Variants in FRK observed in about 807,000 individuals in gnomAD.
The protein encoded by FRK is fyn related Src family tyrosine kinase.
FRK carries 51 observed loss-of-function variants against 56.4 expected under a neutral mutation model. That is an observed-to-expected ratio of 0.90 (90% CI 0.72 to 1.14). The LOEUF (loss-of-function observed/expected upper bound fraction) is 1.14. Among genes scored for constraint, FRK ranks in the 50% most tolerant of loss-of-function variants. The probability of loss-of-function intolerance (pLI) is 0.00; values close to 1 mark genes in which losing one functional copy is unlikely to be tolerated. For missense variants in FRK, 570 were observed against 601.4 expected, an observed-to-expected ratio of 0.95 and a Z score of 0.55; for synonymous variants, 245 against 217.9, an observed-to-expected ratio of 1.12 and a Z score of -1.10.
At chr6:116,071,333 T>C in the FRK span, among the ~76,000 whole-genome samples, 2 of 152,180 alleles carry the variant, frequency 1.3e-5, no homozygotes, top group East Asian at 1.9e-4. Context: ...TGGTTGACTG[T>C]ACACATTTTC....
At chr6:115,987,580 TA>T (rs1409231745) in intron 2 of FRK, among the ~76,000 whole-genome samples, 1 of 152,114 alleles carries the variant, frequency 6.6e-6, no homozygotes, top group Non-Finnish European at 1.5e-5. Flanking sequence ...GCTTATCTTA[TA>T]AAAACCAGAG....
the FRK span, among the ~76,000 whole-genome samples, chr6:116,090,051 A>T: frequency 3.3e-5 from 5 of 152,224 alleles, no homozygotes; most frequent in African/African-American, 7.2e-5. Context: ...ATTTTTTAGC[A>T]TTAAGAAGTT....
chr6:115,967,530 T>G, intron 4 of FRK, 21 bp downstream of exon 4: 4 of 1,610,376 alleles, frequency 2.5e-6, no homozygotes, highest in Non-Finnish European at 3.4e-6. Context: ...ATATGCCATT[T>G]AACCTTTATT....
chr6:115,959,941 T>C (rs989283093), intron 4 of FRK, among the ~76,000 whole-genome samples: 15 of 151,914 alleles, frequency 9.9e-5, no homozygotes, highest in African/African-American at 3.6e-4. Context: ...CATAACTTTT[T>C]TCATGATGTC....
intron 1 of FRK, among the ~76,000 whole-genome samples, chr6:116,043,261 C>G (rs1408059242): frequency 6.6e-6 from 1 of 152,196 alleles, no homozygotes; most frequent in African/African-American, 2.4e-5. Context: ...ACACAACTCT[C>G]CACCCTGAAT....
chr6:116,068,479 T>C, the FRK span, among the ~76,000 whole-genome samples: 1 of 152,222 alleles, frequency 6.6e-6, no homozygotes, highest in African/African-American at 2.4e-5. Flanking sequence ...CTTCGGAACT[T>C]AGAAGACATC....
the FRK span, among the ~76,000 whole-genome samples, chr6:116,080,748 A>G: frequency 6.6e-6 from 1 of 151,638 alleles, no homozygotes; most frequent in African/African-American, 2.4e-5. Flanking sequence ...TTCTAAGCAT[A>G]TAGCATATGC....
chr6:116,025,994 T>G (rs920350798), intron 1 of FRK, among the ~76,000 whole-genome samples: 2 of 152,140 alleles, frequency 1.3e-5, no homozygotes, highest in Admixed American at 6.6e-5. Flanking sequence ...ACAGGGTTAT[T>G]GCAAAGAGTA....
At chr6:115,947,566 C>A (rs1772518433) in intron 5 of FRK, among the ~76,000 whole-genome samples, 1 of 152,084 alleles carries the variant, frequency 6.6e-6, no homozygotes, top group Non-Finnish European at 1.5e-5. Context: ...AAGCCTGGCT[C>A]TTAAAATCTC....
intron 6 of FRK, 139 bp downstream of exon 6, chr6:115,944,105 C>T: frequency 1.6e-6 from 1 of 610,494 alleles, no homozygotes; most frequent in East Asian, 3.0e-5. Flanking sequence ...GTTTGTAAGG[C>T]TTTGGACTAC....
intron 1 of FRK, among the ~76,000 whole-genome samples, chr6:116,054,498 CT>C (rs899569099): frequency 8.2e-4 from 113 of 137,200 alleles, no homozygotes; most frequent in Middle Eastern, 3.8e-3. Context: ...GTATATTATA[CT>C]ATTATAATAT....
chr6:115,994,626 A>G (rs1424532445), intron 2 of FRK, among the ~76,000 whole-genome samples: 1 of 152,080 alleles, frequency 6.6e-6, no homozygotes, highest in African/African-American at 2.4e-5. Flanking sequence ...ATGACCTGCA[A>G]TTGCAATTGT....
At chr6:116,084,218 A>T in the FRK span, among the ~76,000 whole-genome samples, 1 of 152,228 alleles carries the variant, frequency 6.6e-6, no homozygotes, top group Non-Finnish European at 1.5e-5. Context: ...GACAATAAAA[A>T]GAGTCAAACT....
chr6:115,990,361 T>G (rs1774550631), intron 2 of FRK, among the ~76,000 whole-genome samples: 1 of 151,940 alleles, frequency 6.6e-6, no homozygotes, highest in Non-Finnish European at 1.5e-5. Flanking sequence ...TAGGTCAATG[T>G]CTGAAAGATA....
At chr6:116,043,834 C>A (rs1776828172) in intron 1 of FRK, among the ~76,000 whole-genome samples, 1 of 152,042 alleles carries the variant, frequency 6.6e-6, no homozygotes, top group Admixed American at 6.6e-5. Flanking sequence ...AATAGATAGA[C>A]CGCTAGACAG....
In FRK at chr6:115,934,676, T is replaced by C. The variant is rs1255997647; in HGVS notation, c.*7738A>G. 6.6e-6 allele frequency: 1 copy of C among 152,248 alleles called. No homozygotes were observed. Among genetic ancestry groups the C allele is most frequent in the African/African-American group, 2.4e-5 (1 of 41,472 alleles). 9.4% of individuals were successfully genotyped at this position (152,248 alleles called of 1,614,324 possible). ...TACTTTGAATTTGGGTTTCTGTAAC[T>C]GTTTAGATAGGCGCTTCTCCTTTAA... On this transcript the variant is annotated 3_prime_UTR_variant, in exon 8 of 8. Transcript: ENST00000606080.
chr6:116,023,627 T>C (rs1032712183), intron 1 of FRK, among the ~76,000 whole-genome samples: 3 of 152,090 alleles, frequency 2.0e-5, no homozygotes, highest in Non-Finnish European at 4.4e-5. Context: ...AGGGAGAGTA[T>C]CTGGAAAGGG....
chr6:116,010,103 T>A (rs150570469), intron 1 of FRK, among the ~76,000 whole-genome samples: 3,148 of 151,956 alleles, frequency 0.021, 103 homozygotes, highest in African/African-American at 0.066. Flanking sequence ...GCACCTGTAG[T>A]CCCAGCTACT....
At chr6:116,021,548 G>C (rs1040502300) in intron 1 of FRK, among the ~76,000 whole-genome samples, 2 of 152,086 alleles carry the variant, frequency 1.3e-5, no homozygotes, top group Non-Finnish European at 2.9e-5. Context: ...TTGACAAGCA[G>C]AGAACAAGGA....
Sources: allele counts gnomAD v4.1 joint callset (sites outside exome capture counted in the v4.1 genomes callset), GRCh38; gene constraint gnomAD v4.1.1; transcripts MANE v1.5; gene names NCBI Gene and HGNC (gene_info 2026-07-23, HGNC 2026-07-21).